Variants in PMPCA observed in about 807,000 individuals in gnomAD.
PMPCA encodes the protein mitochondrial-processing peptidase subunit alpha.
Under a neutral mutation model 59.3 loss-of-function variants are expected in PMPCA, and 47 were observed. The observed-to-expected ratio is 0.79, with a 90% CI of 0.63 to 1.01. The LOEUF is 1.01. PMPCA is among the 50% of genes least tolerant of loss of function. The probability of loss-of-function intolerance (pLI) is 0.00; values close to 1 mark genes in which losing one functional copy is unlikely to be tolerated. For synonymous variants in PMPCA, 338 were observed against 290.3 expected, an observed-to-expected ratio of 1.16 and a Z score of -1.67; for missense variants, 726 against 704.5, an observed-to-expected ratio of 1.03 and a Z score of -0.34.
Position 136,412,881 on chromosome 9 carries a change from C to T in PMPCA, c.426C>T (p.Cys142=). ...AAAAGCATGGGGGTATCTGTGACTG[C>T]CAGACATCAAGGTACACCAGCTTTT... is the stretch of plus-strand genomic sequence containing the variant. ...TLEKHGGICD[C]QTSRDTTMYA... is the part of the protein sequence containing the mutation. The change falls in exon 4 of 13, where the codon TGC becomes TGT. Residue 142 remains cysteine, a synonymous_variant. Transcript: ENST00000371717. 4.4e-6 allele frequency: 7 copies of T among 1,594,036 alleles called. No homozygotes were observed. Among genetic ancestry groups the T allele is most frequent in the Non-Finnish European group, 6.0e-6 (7 of 1,162,186 alleles).
chr9:136,423,512 C>A lies in PMPCA; in HGVS notation c.*248C>A. The A allele has an allele frequency of 2.1e-6, 1 of 478,806 alleles. No homozygotes were observed. Among genetic ancestry groups the A allele is most frequent in the Non-Finnish European group, 3.8e-6 (1 of 265,410 alleles). 29.7% of individuals were successfully genotyped at this position (478,806 alleles called of 1,614,324 possible). A position where few individuals can be genotyped will look rare whatever the true frequency, so the allele number is the denominator to read the frequency against. On this transcript the variant is annotated 3_prime_UTR_variant, in exon 13 of 13. Transcript: ENST00000371717. ...TGCCCAGCGCTGGAGTGCAGCGTGC[C>A]ACGAGGAGGGCGGTCGGTGCTTCCC...
At chr9:136,419,969 A>T (rs1835401845) in intron 11 of PMPCA, 1 of 151,064 alleles carries the variant, frequency 6.6e-6, no homozygotes. Flanking sequence ...AGTGGTACAA[A>T]TAAGCAAGTT....
intron 4 of PMPCA, among the ~76,000 whole-genome samples, chr9:136,413,736 C>T (rs1356356960): frequency 6.6e-6 from 1 of 152,188 alleles, no homozygotes; most frequent in Non-Finnish European, 1.5e-5. Context: ...GGTGTCCTGA[C>T]TCAGACCCAG....
Position 136,421,925 on chromosome 9 carries a change from G to A in PMPCA, c.1357G>A (p.Val453Met), listed in dbSNP as rs958066678. Residue 453 changes from valine (V) to methionine (M), a missense_variant, in exon 12 of 13, where the codon GTG (valine) becomes ATG (methionine). By Grantham distance (21) the Val-to-Met change is conservative. Transcript: ENST00000371717. ...PVIFEDVGRQ[V>M]LATRSRKLPH... ...GATCTTCGAGGATGTGGGGAGGCAG[G>A]TGCTGGCCACTCGCTCCAGAAAGCT... 1.9e-6 allele frequency: 3 copies of A among 1,612,476 alleles called. No individual in the cohort carries two copies. Among genetic ancestry groups the A allele is most frequent in the Admixed American group, 1.7e-5 (1 of 59,996 alleles).
intron 6 of PMPCA, chr9:136,416,748 C>G: frequency 8.4e-6 from 5 of 594,420 alleles, no homozygotes; most frequent in South Asian, 4.2e-5. Context: ...TAATCTTAGG[C>G]TTTTTGTGAA....
Position 136,416,974 on chromosome 9 carries a change from T to TG in PMPCA, c.659dup (p.Leu221ProfsTer67). 1 of 1,611,894 alleles carries TG rather than the reference T, an allele frequency of 6.2e-7. No homozygotes were observed. The highest frequency in any genetic ancestry group is 8.5e-7 in the Non-Finnish European group (1 of 1,179,792). On this transcript the variant is annotated frameshift_variant, in exon 7 of 13. Coordinates refer to ENST00000371717, the MANE Select transcript of PMPCA (RefSeq NM_015160.3). LOFTEE classifies it high-confidence loss of function. ...AGGCGGCTTACAGGGAGAACACAGTTGGCCTCCACCGTTTCTGCCCCACAG... is the reference window on the plus strand; with the variant it reads ...AGGCGGCTTACAGGGAGAACACAGTTGGGCCTCCACCGTTTCTGCCCCACAG...
rs754699927 is a variant in PMPCA at position 136,417,020 on chromosome 9, C to T, written c.703C>T (p.Arg235Ter). The T allele has an allele frequency of 3.1e-6, 5 of 1,613,506 alleles. No homozygotes were observed. Among genetic ancestry groups the T allele is most frequent in the South Asian group, 1.1e-5 (1 of 91,060 alleles). Residue 235 changes from arginine (R) to a stop codon, truncating the protein, a stop_gained, in exon 7 of 13, where the codon CGA (arginine) becomes TGA (stop). Transcript: ENST00000371717. LOFTEE classifies it high-confidence loss of function. Reference protein sequence around the residue: ...CPTENVAKINREVLHSYLRNY... With the variant: ...CPTENVAKIN ...CACAGAAAACGTAGCAAAGATCAACCGAGAGGTGCTGCATTCCTACCTGAG... is the reference window on the plus strand; with the variant it reads ...CACAGAAAACGTAGCAAAGATCAACTGAGAGGTGCTGCATTCCTACCTGAG...
intron 5 of PMPCA, 88 bp from the exon 6 acceptor site, chr9:136,416,201 ACT>A: frequency 1.1e-6 from 1 of 936,450 alleles, no homozygotes; most frequent in Non-Finnish European, 1.7e-6. Flanking sequence ...AACAGGCGAC[ACT>A]CAGGCCAGCA....
At chr9:136,418,491 G>A (rs1835347254) in intron 8 of PMPCA, 64 bp from the exon 9 acceptor site, 7 of 1,017,272 alleles carry the variant, frequency 6.9e-6, no homozygotes, top group African/African-American at 1.6e-5. Context: ...TCCGTCCCTG[G>A]CGTCTGACGG....
intron 8 of PMPCA, 46 bp from the exon 9 acceptor site, chr9:136,418,509 G>C (rs1263189462): frequency 8.3e-7 from 1 of 1,204,878 alleles, no homozygotes; most frequent in East Asian, 2.3e-5. Context: ...CGGTGCTCCT[G>C]ACGTGGCGTG....
At chr9:136,412,780 T>C in intron 3 of PMPCA, 30 bp from the exon 4 acceptor site, 1 of 1,351,296 alleles carries the variant, frequency 7.4e-7, no homozygotes, top group Non-Finnish European at 1.1e-6. Flanking sequence ...CTGGATTGCT[T>C]ATTTAGGTTT....
In PMPCA at chr9:136,412,018, A is replaced by T; in HGVS notation, c.93A>T (p.Arg31Ser). The part of the protein sequence containing the change: ...SRLRFGPPAY[R>S]RFSSGGAYPN... ...TTAGGTTTGGACCTCCTGCGTACAG[A>T]CGGTTTAGTAGTGGTGGTGCCTATC... Residue 31 changes from arginine to serine, a missense_variant, in exon 2 of 13, where the codon AGA (arginine) becomes AGT (serine). Arg to Ser is a moderately radical substitution (Grantham distance 110). Coordinates refer to ENST00000371717, the MANE Select transcript of PMPCA (RefSeq NM_015160.3). 6.2e-7 allele frequency: 1 copy of T among 1,612,356 alleles called. No individual in the cohort carries two copies. The highest frequency in any genetic ancestry group is 8.5e-7 in the Non-Finnish European group (1 of 1,178,534).
chr9:136,417,854 C>G (rs1835326639), intron 7 of PMPCA, among the ~76,000 whole-genome samples, 163 bp from the exon 8 acceptor site: 1 of 151,654 alleles, frequency 6.6e-6, no homozygotes, highest in South Asian at 2.1e-4. Context: ...CTCAAGTGAT[C>G]TGCCCACCTT....
intron 12 of PMPCA, chr9:136,422,342 G>T (rs959695869): frequency 4.4e-5 from 51 of 1,165,404 alleles, no homozygotes; most frequent in Admixed American, 4.4e-4. Flanking sequence ...TCGGAATGCC[G>T]CTGTACCGTT....
Position 136,418,842 on chromosome 9 carries a change from A to T in PMPCA, c.1124A>T (p.Tyr375Phe). ...CTTCCTCCCAGGCACCACTGGATGTATAACGCGACCTCCTACCACCACAGC... is the reference window on the plus strand; with the variant it reads ...CTTCCTCCCAGGCACCACTGGATGTTTAACGCGACCTCCTACCACCACAGC... ...LNVLNRHHWM[Y>F]NATSYHHSYE... The change falls in exon 10 of 13, where the codon TAT (tyrosine) becomes TTT (phenylalanine). Residue 375 changes from tyrosine (Y) to phenylalanine (F), a missense_variant. Physicochemically the swap from Tyr to Phe is conservative, Grantham distance 22. Coordinates refer to ENST00000371717, the MANE Select transcript of PMPCA (RefSeq NM_015160.3). The T allele has an allele frequency of 5.6e-6, 9 of 1,612,572 alleles. No individual in the cohort carries two copies. The highest frequency in any genetic ancestry group is 7.6e-6 in the Non-Finnish European group (9 of 1,179,474).
At position 136,417,073 on chromosome 9, in the gene PMPCA, G is replaced by C. The variant is rs1348216995; in HGVS notation, c.756G>C (p.Val252=). Reference sequence around the variant, plus strand: ...ACTACTACACTCCCGACCGCATGGTGCTGGCCGGCGTGGGCGTGGAGCACG... The same window carrying C: ...ACTACTACACTCCCGACCGCATGGTCCTGGCCGGCGTGGGCGTGGAGCACG... ...LRNYYTPDRM[V]LAGVGVEHEH... is the part of the protein sequence containing the mutation. The change falls in exon 7 of 13, where the codon GTG becomes GTC. Residue 252 remains valine (V), a synonymous_variant. Coordinates refer to ENST00000371717, the MANE Select transcript of PMPCA (RefSeq NM_015160.3). The C allele has an allele frequency of 2.5e-6, 4 of 1,613,938 alleles. No homozygotes were observed. The African/African-American group carries it at 5.3e-5, about 22-fold the overall frequency.
intron 6 of PMPCA, 163 bp from the exon 7 acceptor site, chr9:136,416,787 CT>C: frequency 1.6e-6 from 1 of 624,826 alleles, no homozygotes; most frequent in Non-Finnish European, 2.8e-6. Context: ...AGATTTTACT[CT>C]TTATAAATAC....
Position 136,417,154 on chromosome 9 carries a change from G to T in PMPCA, c.837G>T (p.Gly279=). 6.2e-7 allele frequency: 1 copy of T among 1,612,512 alleles called. No individual in the cohort carries two copies. Among genetic ancestry groups the T allele is most frequent in the Non-Finnish European group, 8.5e-7 (1 of 1,179,074 alleles). ...KYLLGVQPAW[G]SAEAVDIDRS... ...TCCTGGGGGTCCAGCCGGCCTGGGG[G>T]AGCGCAGAGGCCGTGGATATTGACA... Residue 279 remains glycine, a synonymous_variant, in exon 7 of 13, where the codon GGG becomes GGT. Coordinates refer to ENST00000371717, the MANE Select transcript of PMPCA (RefSeq NM_015160.3).
chr9:136,419,391 G>C, intron 11 of PMPCA: 1 of 538,298 alleles, frequency 1.9e-6, no homozygotes, highest in Non-Finnish European at 3.4e-6. Flanking sequence ...TGAGCCACTG[G>C]GTGAGTCGTG....
Sources: gnomAD v4.1 joint callset for allele counts (sites outside exome capture counted in the v4.1 genomes callset) on GRCh38, gnomAD v4.1.1 for gene constraint, MANE v1.5 for transcripts, NCBI Gene and HGNC (gene_info 2026-07-23, HGNC 2026-07-21) for gene names.